Variants in NPR3 observed in about 807,000 individuals in gnomAD.
NPR3 encodes natriuretic peptide receptor 3.
NPR3 carries 34 observed loss-of-function variants against 54.5 expected under a neutral mutation model. The ratio of observed to expected loss-of-function variants is 0.62; its 90% confidence interval spans 0.47 to 0.83. The LOEUF (loss-of-function observed/expected upper bound fraction) is 0.83, where lower values mean the gene tolerates loss of function less well. NPR3 is among the 40% of genes least tolerant of loss of function. The pLI is 0.00. For synonymous variants in NPR3, 289 were observed against 297.1 expected (o/e 0.97, Z 0.28); for missense variants, 674 against 720.8 (o/e 0.94, Z 0.74).
chr5:32,725,423 T>C (rs893667025), intron 2 of NPR3, among the ~76,000 whole-genome samples: 8 of 152,204 alleles, frequency 5.3e-5, no homozygotes, highest in Non-Finnish European at 1.0e-4. Flanking sequence ...AACAATTCAA[T>C]TGGAGCAAAA....
At position 32,789,948 on chromosome 5, in the gene NPR3, C is replaced by A. The variant is rs1294675924; in HGVS notation, c.*3603C>A. 3 of 345,602 alleles carry A rather than the reference C, an allele frequency of 8.7e-6. No individual in the cohort carries two copies. Among genetic ancestry groups the A allele is most frequent in the Admixed American group, 4.0e-5 (1 of 24,934 alleles). 21.4% of individuals were successfully genotyped at this position (345,602 alleles called of 1,614,324 possible). A position where few individuals can be genotyped will look rare whatever the true frequency, so the allele number is the denominator to read the frequency against. ...TACCTGTGTTTCTTGGGACACAAAG[C>A]ACTCAGATCCTGAGTGGATGCAGAC... On this transcript the variant is annotated 3_prime_UTR_variant, in exon 8 of 8. Transcript: ENST00000265074.
intron 3 of NPR3, among the ~76,000 whole-genome samples, chr5:32,770,333 G>A (rs757768684): frequency 1.3e-5 from 2 of 152,182 alleles, no homozygotes; most frequent in East Asian, 3.9e-4. Flanking sequence ...GTGGGGTTGA[G>A]GCAGGAGGAA....
rs1740516197 is a variant in NPR3 at position 32,750,364 on chromosome 5, G to A, written c.1059+11334G>A. On this transcript the variant is annotated intron_variant, in intron 3 of 7. Transcript: ENST00000265074. Reference sequence around the variant, plus strand: ...TCGGTCAGGCTTGTCTCCAACTCCCGACCTCAGGTGATCCGCCCACCTCAG... The same window carrying A: ...TCGGTCAGGCTTGTCTCCAACTCCCAACCTCAGGTGATCCGCCCACCTCAG... Among the ~76,000 whole-genome samples, 5 of 152,256 alleles carry A rather than the reference G, an allele frequency of 3.3e-5. No homozygotes were observed. The South Asian group carries it at 1.0e-3, about 32-fold the overall frequency.
At chr5:32,716,596 C>A in intron 1 of NPR3, 1 of 332,280 alleles carries the variant, frequency 3.0e-6, no homozygotes, top group Non-Finnish European at 5.9e-6. Context: ...TGCATTCCAG[C>A]CTGGGCAACA....
chr5:32,712,423 C>T lies in NPR3; in HGVS notation c.647C>T (p.Thr216Ile). ...AAGCTGGAGCGGAACTGCTACTTCACCCTCGAGGGGGTCCACGAGGTCTTC... is the reference window on the plus strand; with the variant it reads ...AAGCTGGAGCGGAACTGCTACTTCATCCTCGAGGGGGTCCACGAGGTCTTC... ...DDKLERNCYFTLEGVHEVFQE... is the reference protein window; with the variant it reads ...DDKLERNCYFILEGVHEVFQE... Residue 216 changes from threonine (T) to isoleucine (I), a missense_variant, in exon 1 of 8, where the codon ACC (threonine) becomes ATC (isoleucine). Transcript: ENST00000265074. 6.2e-7 allele frequency: 1 copy of T among 1,613,028 alleles called. No homozygotes were observed. The highest frequency in any genetic ancestry group is 8.5e-7 in the Non-Finnish European group (1 of 1,179,538).
chr5:32,769,672 C>G (rs1160862157), intron 3 of NPR3, among the ~76,000 whole-genome samples: 1 of 152,154 alleles, frequency 6.6e-6, no homozygotes, highest in Non-Finnish European at 1.5e-5. Flanking sequence ...CCGTGAACAC[C>G]AAAGGCAAAG....
intron 7 of NPR3, among the ~76,000 whole-genome samples, chr5:32,785,527 G>C (rs917806432): frequency 1.3e-5 from 2 of 152,136 alleles, no homozygotes; most frequent in African/African-American, 4.8e-5. Flanking sequence ...TGGATAAAGG[G>C]GGAAATCAAC....
chr5:32,694,984 C>T lies in NPR3; in HGVS notation c.100+5798C>T, dbSNP rs554358811. Among the ~76,000 whole-genome samples, 3 of 152,218 alleles carry T rather than the reference C, an allele frequency of 2.0e-5. No individual in the cohort carries two copies. The South Asian group carries it at 6.2e-4, about 32-fold the overall frequency. ...TTGTCTTTCCGTGCCTGGCTTAGTT[C>T]ATTTAACATAATGGCTTCCAGTTCC... is the stretch of plus-strand genomic sequence containing the variant. On this transcript the variant is annotated intron_variant, in intron 1 of 5. Transcript: ENST00000509104.
chr5:32,784,871 TCTA>T lies in NPR3; in HGVS notation c.1505_1507del (p.Tyr502del), dbSNP rs1264894007. ...CTAGGAGCTGGCTTGCTAATGGCCT[TCTA>T]CTTTTTCAGGTGAGGACGGTTTGTA... On this transcript the variant is annotated inframe_deletion, in exon 7 of 8. Coordinates refer to ENST00000265074, the MANE Select transcript of NPR3 (RefSeq NM_001204375.2). 1.1e-5 allele frequency: 18 copies of T among 1,613,134 alleles called. No individual in the cohort carries two copies. The highest frequency in any genetic ancestry group is 1.5e-5 in the Non-Finnish European group (18 of 1,179,264).
chr5:32,727,347 C>T (rs543887022), intron 2 of NPR3, among the ~76,000 whole-genome samples: 1 of 152,304 alleles, frequency 6.6e-6, no homozygotes, highest in East Asian at 1.9e-4. Flanking sequence ...AGGCTGGGCT[C>T]GAACTCCTGG....
rs146181381 is a variant in NPR3 at position 32,767,911 on chromosome 5, T to G, written c.1060-6797T>G. Among the ~76,000 whole-genome samples, 34 of 152,320 alleles carry G rather than the reference T, an allele frequency of 2.2e-4. No homozygotes were observed. The East Asian group carries it at 3.7e-3, about 16-fold the overall frequency. On this transcript the variant is annotated intron_variant, in intron 3 of 7. Coordinates refer to ENST00000265074, the MANE Select transcript of NPR3 (RefSeq NM_001204375.2). ...AGAGAAATTAGAATTACATGCTCCTTCTGATTTTGGACGATCAGAAGTAAT... is the reference window on the plus strand; with the variant it reads ...AGAGAAATTAGAATTACATGCTCCTGCTGATTTTGGACGATCAGAAGTAAT...
In NPR3 at chr5:32,711,843, G is replaced by A; in HGVS notation, c.67G>A (p.Gly23Ser). Residue 23 changes from glycine (G) to serine (S), a missense_variant, in exon 1 of 8, where the codon GGC becomes AGC. Physicochemically the swap from Gly to Ser is moderately conservative, Grantham distance 56 (BLOSUM62 0). Coordinates refer to ENST00000265074, the MANE Select transcript of NPR3 (RefSeq NM_001204375.2). ...VLLGWALLAG[G>S]TGGGGVGGGG... ...ACTCGGCTGGGCGTTGCTGGCCGGC[G>A]GCACCGGTGGCGGTGGCGTTGGCGG... 2 of 1,460,714 alleles carry A rather than the reference G, an allele frequency of 1.4e-6. No homozygotes were observed. The highest frequency in any genetic ancestry group is 1.8e-4 in the Middle Eastern group (1 of 5,552). The allele number at this position is 1,460,714 out of a possible 1,614,324, so 90.5% of individuals were successfully genotyped here.
intron 3 of NPR3, among the ~76,000 whole-genome samples, chr5:32,771,922 C>A (rs775078030): frequency 1.3e-5 from 2 of 151,694 alleles, no homozygotes. Flanking sequence ...TGGCTGGCTT[C>A]TGTAAAATTA....
intron 3 of NPR3, among the ~76,000 whole-genome samples, chr5:32,743,425 A>G (rs1329094633): frequency 3.3e-5 from 5 of 152,012 alleles, no homozygotes; most frequent in African/African-American, 1.2e-4. Context: ...GTTCTATGCA[A>G]TTTTATTCTG....
At chr5:32,784,327 T>A (rs1337955523) in intron 6 of NPR3, among the ~76,000 whole-genome samples, 1 of 152,198 alleles carries the variant, frequency 6.6e-6, no homozygotes, top group Non-Finnish European at 1.5e-5. Context: ...TAGCTGGGAT[T>A]ACAGGTGCCT....
intron 1 of NPR3, among the ~76,000 whole-genome samples, chr5:32,691,779 T>G (rs950755789): frequency 2.6e-5 from 4 of 152,206 alleles, no homozygotes; most frequent in African/African-American, 9.6e-5. Flanking sequence ...CAGAGCAGTT[T>G]CTACTAACAG....
intron 3 of NPR3, among the ~76,000 whole-genome samples, chr5:32,766,541 T>C (rs1247566026): frequency 2.6e-5 from 4 of 152,196 alleles, no homozygotes; most frequent in Non-Finnish European, 5.9e-5. Context: ...CTTAGAGAAA[T>C]GACATTAAGG....
intron 3 of NPR3, among the ~76,000 whole-genome samples, chr5:32,742,426 A>G (rs1216797132): frequency 6.6e-6 from 1 of 152,182 alleles, no homozygotes; most frequent in Non-Finnish European, 1.5e-5. Context: ...CTTTGAGCCC[A>G]GACTGGATAA....
chr5:32,712,559 C>T lies in NPR3; in HGVS notation c.769+14C>T, dbSNP rs1219029585. 1 of 1,503,530 alleles carries T rather than the reference C, an allele frequency of 6.7e-7. No homozygotes were observed. The highest frequency in any genetic ancestry group is 2.1e-5 in the Admixed American group (1 of 46,716). The allele number at this position is 1,503,530 out of a possible 1,614,324, so 93.1% of individuals were successfully genotyped here. ...CCAGTGAGAGAGGTGAGCAGGGGCG[C>T]GTCCCGGGCCCCGGGCCCTAACCCA... is the stretch of plus-strand genomic sequence containing the variant. On this transcript the variant is annotated intron_variant, in intron 1 of 7. Transcript: ENST00000265074.
Sources: allele counts gnomAD v4.1 joint callset (sites outside exome capture counted in the v4.1 genomes callset), GRCh38; gene constraint gnomAD v4.1.1; transcripts MANE v1.5; gene names NCBI Gene and HGNC (gene_info 2026-07-23, HGNC 2026-07-21).